Variants in PIWIL3 observed in about 807,000 individuals in gnomAD.
PIWIL3 encodes piwi like RNA-mediated gene silencing 3, also known as piwi-like protein 3.
PIWIL3 carries 101 observed loss-of-function variants against 109.7 expected under a neutral mutation model. The observed-to-expected ratio is 0.92, with a 90% CI of 0.78 to 1.09. The LOEUF (loss-of-function observed/expected upper bound fraction) is 1.09, where lower values mean the gene tolerates loss of function less well. Among genes scored for constraint, PIWIL3 ranks in the 50% least tolerant of loss-of-function variants. PIWIL3 has a pLI of 0.00. For synonymous variants in PIWIL3, 373 were observed against 376.4 expected, an observed-to-expected ratio of 0.99 and a Z score of 0.10; for missense variants, 1,031 against 1,072.6, an observed-to-expected ratio of 0.96 and a Z score of 0.54.
intron 14 of PIWIL3, among the ~76,000 whole-genome samples, chr22:24,732,760 T>G (rs1317764520): frequency 6.6e-6 from 1 of 151,888 alleles, no homozygotes; most frequent in Non-Finnish European, 1.5e-5. Context: ...GAGGCGGAGC[T>G]TGAGCCGAGA....
chr22:24,756,529 C>G lies in PIWIL3; in HGVS notation c.532G>C (p.Gly178Arg), dbSNP rs750630760. Residue 178 changes from glycine to arginine, a missense_variant, in exon 5 of 21, where the codon GGA becomes CGA. By Grantham distance (125) the Gly-to-Arg change is moderately radical. Transcript: ENST00000616349. ...RKFGERHIFD[G>R]NSLLLSRPLK... ...GGCCGAGATAATAATAAAGAGTTTC[C>G]ATCAAATATATGGCGCTCTCCAAAT... 6 of 1,613,934 alleles carry G rather than the reference C, an allele frequency of 3.7e-6. No homozygotes were observed. Among genetic ancestry groups the G allele is most frequent in the Non-Finnish European group, 4.2e-6 (5 of 1,179,998 alleles).
intron 12 of PIWIL3, among the ~76,000 whole-genome samples, chr22:24,747,109 T>C (rs1924419764): frequency 1.3e-5 from 2 of 152,220 alleles, no homozygotes; most frequent in South Asian, 2.1e-4. Context: ...CAAAATGGCA[T>C]GGTACTGGCA....
chr22:24,723,070 C>A, intron 19 of PIWIL3, 60 bp downstream of exon 19: 1 of 1,549,592 alleles, frequency 6.5e-7, no homozygotes, highest in Non-Finnish European at 8.9e-7. Context: ...AGTGATTGTG[C>A]TGAACTGAAG....
intron 19 of PIWIL3, among the ~76,000 whole-genome samples, chr22:24,720,290 T>TTTA (rs1491484822): frequency 1.6e-5 from 2 of 124,854 alleles, no homozygotes; most frequent in Non-Finnish European, 1.7e-5. Flanking sequence ...TTTTTTTTTT[T>TTTA]AGACGGAGTC....
intron 6 of PIWIL3, 66 bp from the exon 7 acceptor site, chr22:24,754,930 C>T: frequency 7.3e-7 from 1 of 1,364,836 alleles, no homozygotes; most frequent in Non-Finnish European, 1.0e-6. Flanking sequence ...TGGTAAGACA[C>T]ATAAGGGAAA....
At chr22:24,734,196 A>C (rs1198702614) in intron 13 of PIWIL3, 40 bp from the exon 14 acceptor site, 1 of 1,592,846 alleles carries the variant, frequency 6.3e-7, no homozygotes, top group Non-Finnish European at 8.5e-7. Flanking sequence ...AAAGATACCA[A>C]CCAGTGAAAC....
intron 12 of PIWIL3, 94 bp downstream of exon 12, chr22:24,748,813 C>T (rs1924524460): frequency 1.1e-6 from 1 of 888,054 alleles, no homozygotes; most frequent in Non-Finnish European, 1.7e-6. Flanking sequence ...AAAAGAACAG[C>T]AGTCGTAGTC....
At chr22:24,738,230 A>G (rs948854055) in intron 12 of PIWIL3, among the ~76,000 whole-genome samples, 2 of 152,368 alleles carry the variant, frequency 1.3e-5, no homozygotes, top group Middle Eastern at 3.4e-3. Context: ...GCTCAGCCAC[A>G]GTACAAAAGA....
chr22:24,751,644 C>G (rs1457694299), intron 8 of PIWIL3, 146 bp from the exon 9 acceptor site: 6 of 1,347,078 alleles, frequency 4.5e-6, no homozygotes, highest in Middle Eastern at 2.7e-4. Flanking sequence ...TACAACTCAC[C>G]CATCTGAGCA....
At chr22:24,724,478 A>C (rs1349695886) in intron 18 of PIWIL3, among the ~76,000 whole-genome samples, 1 of 148,526 alleles carries the variant, frequency 6.7e-6, no homozygotes, top group Non-Finnish European at 1.5e-5. Context: ...CTTGTTGCCC[A>C]GGCTGGAATG....
At chr22:24,743,347 T>C (rs1348760043) in intron 12 of PIWIL3, among the ~76,000 whole-genome samples, 1 of 152,196 alleles carries the variant, frequency 6.6e-6, no homozygotes. Flanking sequence ...CTACTAGGTA[T>C]CTGCCCAGAG....
chr22:24,755,405 G>A (rs1457343681), intron 6 of PIWIL3, among the ~76,000 whole-genome samples: 13 of 152,212 alleles, frequency 8.5e-5, no homozygotes, highest in Non-Finnish European at 1.6e-4. Context: ...TTACAGGCGT[G>A]AGCCACCACG....
intron 1 of PIWIL3, among the ~76,000 whole-genome samples, chr22:24,770,915 C>A (rs1601858197): frequency 2.6e-5 from 4 of 151,610 alleles, no homozygotes. Context: ...AGAATTCTCC[C>A]CTACCTAGGG....
intron 11 of PIWIL3, 50 bp from the exon 12 acceptor site, chr22:24,749,071 G>A: frequency 7.0e-7 from 1 of 1,436,476 alleles, no homozygotes; most frequent in Non-Finnish European, 9.7e-7. Context: ...AGTAAAAGCA[G>A]CTAGCCATTT....
chr22:24,767,643 A>G (rs1460848090), intron 1 of PIWIL3, among the ~76,000 whole-genome samples: 2 of 152,152 alleles, frequency 1.3e-5, no homozygotes, highest in East Asian at 1.9e-4. Context: ...TGTAACATGC[A>G]TAATGGGAAT....
intron 14 of PIWIL3, among the ~76,000 whole-genome samples, chr22:24,730,711 AT>A (rs1231859676): frequency 9.2e-5 from 14 of 152,234 alleles, no homozygotes; most frequent in Admixed American, 4.6e-4. Context: ...TCTAAAAAAA[AT>A]GAAAGGTTTA....
chr22:24,754,285 G>T, intron 7 of PIWIL3, 68 bp from the exon 8 acceptor site: 1 of 1,367,926 alleles, frequency 7.3e-7, no homozygotes, highest in Non-Finnish European at 1.0e-6. Context: ...CCAAGCCTAA[G>T]CTCTGGGTCT....
intron 1 of PIWIL3, among the ~76,000 whole-genome samples, chr22:24,768,990 C>T (rs922993806): frequency 6.6e-6 from 1 of 152,096 alleles, no homozygotes; most frequent in Non-Finnish European, 1.5e-5. Flanking sequence ...GACAAAGAGC[C>T]GCAAGGTGGT....
intron 3 of PIWIL3, among the ~76,000 whole-genome samples, chr22:24,759,407 A>G (rs1925278492): frequency 6.6e-6 from 1 of 152,224 alleles, no homozygotes; most frequent in South Asian, 2.1e-4. Context: ...TCCAGACTGA[A>G]GTTGGATCAC....
Sources: allele counts gnomAD v4.1 joint callset (sites outside exome capture counted in the v4.1 genomes callset), GRCh38; gene constraint gnomAD v4.1.1; transcripts MANE v1.5; gene names NCBI Gene and HGNC (gene_info 2026-07-23, HGNC 2026-07-21).